Variants in LNPEP observed in about 807,000 individuals in gnomAD.
The protein encoded by LNPEP is leucyl-cystinyl aminopeptidase.
LNPEP carries 64 observed loss-of-function variants against 120.6 expected under a neutral mutation model. That is an observed-to-expected ratio of 0.53 (90% confidence interval 0.43 to 0.65). LNPEP has a LOEUF of 0.65. Ranked by LOEUF, LNPEP falls within the 30% of genes least tolerant of loss-of-function variation. The pLI, the probability that LNPEP is intolerant of heterozygous loss-of-function variation, is 0.00. For missense variants in LNPEP, 1,057 were observed against 1,200.0 expected, an observed-to-expected ratio of 0.88 and a Z score of 1.76; for synonymous variants, 435 against 425.4, an observed-to-expected ratio of 1.02 and a Z score of -0.28.
chr5:96,945,754 A>C (rs1430735091), intron 1 of LNPEP, among the ~76,000 whole-genome samples: 1 of 152,138 alleles, frequency 6.6e-6, no homozygotes, highest in Non-Finnish European at 1.5e-5. Flanking sequence ...TTACTTTGGA[A>C]TGCCCTTGGC....
rs748230237 is a variant in LNPEP, at chr5:97,026,638, T to G, written c.2745T>G (p.Asn915Lys). Residue 915 changes from asparagine to lysine, a missense_variant, in exon 16 of 18, where the codon AAT (asparagine) becomes AAG (lysine). By Grantham distance (94) the Asn-to-Lys change is moderately conservative. Coordinates refer to ENST00000231368, the MANE Select transcript of LNPEP (RefSeq NM_005575.3). Reference protein sequence around the residue: ...KLYWLMKSSLNGDNFRTQKLS... With the variant: ...KLYWLMKSSLKGDNFRTQKLS... Reference sequence around the variant, plus strand: ...TCAGGTTAATGAAAAGTAGCCTGAATGGAGATAACTTCCGAACACAGAAGC... The same window carrying G: ...TCAGGTTAATGAAAAGTAGCCTGAAGGGAGATAACTTCCGAACACAGAAGC... 6 of 1,613,204 alleles carry G rather than the reference T, an allele frequency of 3.7e-6. No individual in the cohort carries two copies. The highest frequency in any genetic ancestry group is 5.1e-6 in the Non-Finnish European group (6 of 1,179,386).
rs1414156079 is a variant in LNPEP at position 97,034,320 on chromosome 5, G to GA, written c.*5793dup. On this transcript the variant is annotated 3_prime_UTR_variant, in exon 18 of 18. Coordinates refer to ENST00000231368, the MANE Select transcript of LNPEP (RefSeq NM_005575.3). Reference sequence around the variant, plus strand: ...TAATGAAAATTGAGGTTCATTCTATGAAAAAATCTCCCCTTCTCCCCTTCC... The same window carrying GA: ...TAATGAAAATTGAGGTTCATTCTATGAAAAAAATCTCCCCTTCTCCCCTTCC... 1.3e-5 allele frequency: 2 copies of GA among 151,976 alleles called. No homozygotes were observed. Among genetic ancestry groups the GA allele is most frequent in the East Asian group, 3.9e-4 (2 of 5,178 alleles). The allele number at this position is 151,976 out of a possible 1,614,324, so 9.4% of individuals were successfully genotyped here.
At chr5:97,010,321 G>C in intron 11 of LNPEP, 1 of 978,840 alleles carries the variant, frequency 1.0e-6, no homozygotes, top group Non-Finnish European at 1.2e-6. Context: ...CAGAAATACT[G>C]CTGTGAAAGT....
Position 96,942,563 on chromosome 5 carries a change from A to G in LNPEP, c.19+6389A>G, listed in dbSNP as rs113796104. On this transcript the variant is annotated intron_variant, in intron 1 of 17. Transcript: ENST00000231368. ...CAGCTACTCGGGAGGCTGAGGCACA[A>G]GAATCACTTGGACCCAGGAGGCGGA... 5.2e-3 allele frequency among the ~76,000 whole-genome samples: 783 copies of G among 152,008 alleles called. 11 individuals are homozygous for G. The highest frequency in any genetic ancestry group is 0.018 in the African/African-American group (732 of 41,436).
chr5:97,003,628 AG>A, intron 9 of LNPEP, 82 bp downstream of exon 9: 1 of 968,188 alleles, frequency 1.0e-6, no homozygotes, highest in Non-Finnish European at 1.5e-6. Context: ...CATGTGTGTA[AG>A]TTAATCTGTG....
chr5:97,030,222 T>C lies in LNPEP; in HGVS notation c.*1689T>C, dbSNP rs1036988134. The stretch of plus-strand genomic sequence containing the variant: ...TTCCCCAATTTAGTCTTTTCTAAAA[T>C]TTATCTGTTTTAGAGTAGAAAATAT... On this transcript the variant is annotated 3_prime_UTR_variant, in exon 18 of 18. Transcript: ENST00000231368. 6.6e-6 allele frequency: 1 copy of C among 152,154 alleles called. No individual in the cohort carries two copies. The highest frequency in any genetic ancestry group is 1.5e-5 in the Non-Finnish European group (1 of 68,002). 9.4% of individuals were successfully genotyped at this position (152,154 alleles called of 1,614,324 possible).
At chr5:96,993,274 G>A (rs1206440835) in intron 5 of LNPEP, 139 bp downstream of exon 5, 5 of 580,202 alleles carry the variant, frequency 8.6e-6, no homozygotes, top group African/African-American at 2.0e-5. Context: ...AAAATTGTTT[G>A]TATTTGTTAA....
intron 16 of LNPEP, 65 bp downstream of exon 16, chr5:97,026,822 A>G (rs1791351665): frequency 7.1e-7 from 1 of 1,413,082 alleles, no homozygotes. Flanking sequence ...AAAAGCTCCC[A>G]GTGTTTTGGC....
intron 1 of LNPEP, among the ~76,000 whole-genome samples, chr5:96,965,117 A>G (rs866693852): frequency 2.0e-5 from 3 of 152,144 alleles, no homozygotes; most frequent in African/African-American, 7.2e-5. Flanking sequence ...TGCACTGTAC[A>G]GTAAATTATT....
intron 2 of LNPEP, among the ~76,000 whole-genome samples, chr5:96,982,310 G>T (rs552489672): frequency 6.6e-6 from 1 of 152,240 alleles, no homozygotes; most frequent in East Asian, 1.9e-4. Flanking sequence ...CAGTTAATTT[G>T]TAATTGTCTT....
At position 96,936,187 on chromosome 5, in the gene LNPEP, C is replaced by T; in HGVS notation, c.19+13C>T. On this transcript the variant is annotated intron_variant, in intron 1 of 17. Transcript: ENST00000231368. ...CCCTTCACCAATGGTGAGTGGGCTG[C>T]CGAGGCGCCGGGACCCGGGCTCTCC... 6.9e-7 allele frequency: 1 copy of T among 1,442,498 alleles called. No individual in the cohort carries two copies. Among genetic ancestry groups the T allele is most frequent in the South Asian group, 1.4e-5 (1 of 70,808 alleles). The allele number at this position is 1,442,498 out of a possible 1,614,324, so 89.4% of individuals were successfully genotyped here. A position where few individuals can be genotyped will look rare whatever the true frequency, so the allele number is the denominator to read the frequency against.
At chr5:97,014,864 G>C in intron 12 of LNPEP, 75 bp from the exon 13 acceptor site, 1 of 1,111,590 alleles carries the variant, frequency 9.0e-7, no homozygotes, top group African/African-American at 1.6e-5. Flanking sequence ...CTAACCCTAA[G>C]TTTCTCTTTT....
chr5:97,035,603 A>G lies in LNPEP; in HGVS notation c.*7070A>G, dbSNP rs1388839252. 1 of 151,890 alleles carries G rather than the reference A, an allele frequency of 6.6e-6. No homozygotes were observed. The allele number at this position is 151,890 out of a possible 1,614,324, so 9.4% of individuals were successfully genotyped here. On this transcript the variant is annotated 3_prime_UTR_variant, in exon 18 of 18. Transcript: ENST00000231368. ...AGTGTAGTTATTTTGTGGTTATTTT[A>G]TTTCATTCTCTAGGATCTATTCCAT... is the stretch of plus-strand genomic sequence containing the variant.
chr5:96,982,223 T>C (rs186746371), intron 2 of LNPEP, among the ~76,000 whole-genome samples: 24 of 152,276 alleles, frequency 1.6e-4, no homozygotes, highest in Admixed American at 1.3e-3. Context: ...TTCACCACCA[T>C]GGTGCACTGC....
intron 1 of LNPEP, among the ~76,000 whole-genome samples, chr5:96,946,223 A>T (rs1375199661): frequency 6.6e-6 from 1 of 152,236 alleles, no homozygotes; most frequent in Non-Finnish European, 1.5e-5. Context: ...CAAACTGAAC[A>T]ATAGAGTATT....
intron 1 of LNPEP, among the ~76,000 whole-genome samples, chr5:96,966,337 A>C (rs1337461667): frequency 6.6e-6 from 1 of 151,998 alleles, no homozygotes; most frequent in East Asian, 1.9e-4. Context: ...TCTCTACAAA[A>C]ATTTTTTTAA....
chr5:96,994,716 C>G (rs1391929242), intron 6 of LNPEP, among the ~76,000 whole-genome samples: 1 of 152,130 alleles, frequency 6.6e-6, no homozygotes, highest in Non-Finnish European at 1.5e-5. Flanking sequence ...AGGATGTATT[C>G]TGGTCAGCTT....
intron 8 of LNPEP, among the ~76,000 whole-genome samples, chr5:97,000,757 A>G (rs1790629829): frequency 6.6e-6 from 1 of 152,154 alleles, no homozygotes. Context: ...ATTTTACTTC[A>G]TATCTTTTCA....
intron 1 of LNPEP, among the ~76,000 whole-genome samples, chr5:96,942,588 A>T (rs1206077235): frequency 2.0e-5 from 3 of 147,870 alleles, no homozygotes; most frequent in Non-Finnish European, 4.5e-5. Flanking sequence ...CAGGAGGCGG[A>T]GGTTGCAGTG....
Sources: gnomAD v4.1 joint callset for allele counts (sites outside exome capture counted in the v4.1 genomes callset) on GRCh38, gnomAD v4.1.1 for gene constraint, MANE v1.5 for transcripts, NCBI Gene and HGNC (gene_info 2026-07-23, HGNC 2026-07-21) for gene names.